Variants in FAM3C observed in about 807,000 individuals in gnomAD.
FAM3C encodes the protein FAM3 metabolism regulating signaling molecule C.
Under a neutral mutation model 32.5 loss-of-function variants are expected in FAM3C, and 15 were observed. The observed-to-expected ratio is 0.46, with a 90% confidence interval of 0.31 to 0.71. The LOEUF (loss-of-function observed/expected upper bound fraction) is 0.71, where lower values mean the gene tolerates loss of function less well. Among genes scored for constraint, FAM3C ranks in the 30% least tolerant of loss-of-function variants. FAM3C has a pLI of 0.05. For missense variants in FAM3C, 175 were observed against 274.4 expected (o/e 0.64, Z 2.56); for synonymous variants, 75 against 86.1 (o/e 0.87, Z 0.72).
intron 8 of FAM3C, among the ~76,000 whole-genome samples, chr7:121,359,224 T>C (rs1254800685): frequency 1.3e-5 from 2 of 152,052 alleles, no homozygotes; most frequent in Non-Finnish European, 2.9e-5. Context: ...GACATAGACA[T>C]GGACTGTTCA....
intron 1 of FAM3C, among the ~76,000 whole-genome samples, chr7:121,384,036 G>A (rs1794414615): frequency 6.6e-6 from 1 of 152,086 alleles, no homozygotes; most frequent in South Asian, 2.1e-4. Flanking sequence ...CTGAAAAGAA[G>A]TGAGACATGC....
intron 8 of FAM3C, among the ~76,000 whole-genome samples, chr7:121,351,818 A>AT (rs1793710931): frequency 6.6e-6 from 1 of 152,208 alleles, no homozygotes; most frequent in Admixed American, 6.5e-5. Flanking sequence ...TAAAAATGAA[A>AT]ATATTAACCA....
At chr7:121,352,611 G>C (rs978244546) in intron 8 of FAM3C, among the ~76,000 whole-genome samples, 2 of 152,336 alleles carry the variant, frequency 1.3e-5, no homozygotes, top group South Asian at 2.1e-4. Flanking sequence ...TGTGAAGATT[G>C]TGAGGCCTTC....
intron 5 of FAM3C, among the ~76,000 whole-genome samples, chr7:121,367,896 T>C (rs531415906): frequency 6.6e-6 from 1 of 151,790 alleles, no homozygotes; most frequent in Non-Finnish European, 1.5e-5. Flanking sequence ...AGTCCAGGCA[T>C]TCAAAGTTGC....
At chr7:121,384,453 T>C (rs375165274) in intron 1 of FAM3C, among the ~76,000 whole-genome samples, 1 of 152,202 alleles carries the variant, frequency 6.6e-6, no homozygotes. Flanking sequence ...AACATATACA[T>C]GCTTTTCCTG....
chr7:121,352,476 AAAT>A (rs1793725149), intron 8 of FAM3C, among the ~76,000 whole-genome samples: 1 of 152,224 alleles, frequency 6.6e-6, no homozygotes, highest in Non-Finnish European at 1.5e-5. Context: ...ATCAGCAAGA[AAAT>A]AAGCCATAGC....
chr7:121,353,380 G>A (rs933816727), intron 8 of FAM3C, among the ~76,000 whole-genome samples: 1 of 152,154 alleles, frequency 6.6e-6, no homozygotes, highest in African/African-American at 2.4e-5. Flanking sequence ...CTTAAAGATT[G>A]AGCTTTATGT....
chr7:121,391,473 G>C (rs145290201), intron 1 of FAM3C, among the ~76,000 whole-genome samples: 1 of 152,184 alleles, frequency 6.6e-6, no homozygotes, highest in Non-Finnish European at 1.5e-5. Context: ...AATGAGATTA[G>C]AGAAAGGTAC....
chr7:121,372,963 T>C (rs774154700), intron 3 of FAM3C, among the ~76,000 whole-genome samples: 47 of 152,254 alleles, frequency 3.1e-4, no homozygotes, highest in Non-Finnish European at 5.6e-4. Flanking sequence ...TGTATTGAAA[T>C]GTTTAAAAAG....
At chr7:121,381,656 C>CCACACACACACA (rs67277678) in intron 2 of FAM3C, among the ~76,000 whole-genome samples, 1,951 of 142,296 alleles carry the variant, frequency 0.014, 22 homozygotes, top group Non-Finnish European at 0.019. Context: ...CAAAGAACAT[C>CCACACACACACA]CACACACACA....
chr7:121,384,856 G>C (rs145331318), intron 1 of FAM3C, among the ~76,000 whole-genome samples: 1 of 152,118 alleles, frequency 6.6e-6, no homozygotes, highest in African/African-American at 2.4e-5. Context: ...TCTACATCAG[G>C]ATAGGAGTAT....
In FAM3C at chr7:121,394,785, G is replaced by A. The variant is rs113928641; in HGVS notation, c.-42+1377C>T. 1.3e-3 allele frequency among the ~76,000 whole-genome samples: 192 copies of A among 152,356 alleles called. 2 individuals are homozygous for A. The highest frequency in any genetic ancestry group is 4.3e-3 in the African/African-American group (180 of 41,586). Reference sequence around the variant, plus strand: ...CTAGAAAGAGGTACAGGTCGATGAAGTGACCAAAACCGGATGCTGATTTGC... The same window carrying A: ...CTAGAAAGAGGTACAGGTCGATGAAATGACCAAAACCGGATGCTGATTTGC... On this transcript the variant is annotated intron_variant, in intron 1 of 9. Coordinates refer to ENST00000359943, the MANE Select transcript of FAM3C (RefSeq NM_014888.3).
intron 1 of FAM3C, among the ~76,000 whole-genome samples, chr7:121,384,100 C>T (rs1376222832): frequency 6.6e-6 from 1 of 151,842 alleles, no homozygotes; most frequent in Non-Finnish European, 1.5e-5. Context: ...TTCTGGGGGG[C>T]GGGGGAGTCT....
chr7:121,381,656 CCA>C (rs67277678), intron 2 of FAM3C, among the ~76,000 whole-genome samples: 3,940 of 141,676 alleles, frequency 0.028, 74 homozygotes, highest in East Asian at 0.098. Context: ...CAAAGAACAT[CCA>C]CACACACACA....
At chr7:121,368,180 A>G (rs1210661381) in intron 5 of FAM3C, among the ~76,000 whole-genome samples, 2 of 152,176 alleles carry the variant, frequency 1.3e-5, no homozygotes, top group Non-Finnish European at 2.9e-5. Flanking sequence ...TCTCAAACCC[A>G]GCCTCTCATT....
intron 7 of FAM3C, among the ~76,000 whole-genome samples, chr7:121,361,671 T>C (rs1183669757): frequency 6.6e-6 from 1 of 152,206 alleles, no homozygotes; most frequent in Non-Finnish European, 1.5e-5. Context: ...AACAAAATAA[T>C]ACACGGCATC....
intron 8 of FAM3C, among the ~76,000 whole-genome samples, chr7:121,356,851 G>A (rs1166687827): frequency 6.6e-6 from 1 of 152,092 alleles, no homozygotes; most frequent in Non-Finnish European, 1.5e-5. Flanking sequence ...TGAGGGTCGG[G>A]GTGGAAAGTA....
chr7:121,356,659 C>CT (rs1793815733), intron 8 of FAM3C, among the ~76,000 whole-genome samples: 1 of 152,122 alleles, frequency 6.6e-6, no homozygotes, highest in Non-Finnish European at 1.5e-5. Flanking sequence ...TGCCCAGGCT[C>CT]CAATGCTGCT....
rs1440284161 is a variant in FAM3C at position 121,396,238 on chromosome 7, G to C, written c.-118C>G. ...CGCTCAGTCCTGCCGGAGGCCGACG[G>C]GAGCCGCCGCCTCCAGCTCGCGCCT... On this transcript the variant is annotated 5_prime_UTR_variant, in exon 1 of 10. Transcript: ENST00000359943. 1 of 152,174 alleles carries C rather than the reference G, an allele frequency of 6.6e-6. No individual in the cohort carries two copies. Among genetic ancestry groups the C allele is most frequent in the South Asian group, 2.1e-4 (1 of 4,830 alleles). 9.4% of individuals were successfully genotyped at this position (152,174 alleles called of 1,614,324 possible).
Sources: gnomAD v4.1 joint callset for allele counts (sites outside exome capture counted in the v4.1 genomes callset) on GRCh38, gnomAD v4.1.1 for gene constraint, MANE v1.5 for transcripts, NCBI Gene and HGNC (gene_info 2026-07-23, HGNC 2026-07-21) for gene names.